The following ZNF354C variants were observed in gnomAD, a reference collection of about 807,000 sequenced individuals.
ZNF354C encodes the protein zinc finger protein 354C, also known as KRAB-zinc finger protein synten.
ZNF354C carries 7 observed loss-of-function variants against 12.4 expected under a neutral mutation model. The ratio of observed to expected loss-of-function variants is 0.56; its 90% CI spans 0.32 to 1.06. ZNF354C has a LOEUF of 1.06. ZNF354C is among the 50% of genes least tolerant of loss of function. ZNF354C has a pLI of 0.04. For missense variants in ZNF354C, 609 were observed against 658.0 expected (o/e 0.93, Z 0.81); for synonymous variants, 202 against 224.5 (o/e 0.90, Z 0.90).
intron 2 of ZNF354C, among the ~76,000 whole-genome samples, chr5:179,064,456 G>T (rs1048684689): frequency 1.1e-4 from 16 of 151,180 alleles, no homozygotes; most frequent in African/African-American, 3.6e-4. Context: ...TTGCTCAGTC[G>T]CCCAGGCTGG....
chr5:179,080,064 AT>A lies in ZNF354C; in HGVS notation c.1638del (p.Phe546LeufsTer15), dbSNP rs756751629. The A allele has an allele frequency of 3.6e-5, 57 of 1,597,090 alleles. 1 individual carries two copies. In the Middle Eastern group the frequency reaches 6.9e-3, roughly 193 times the overall value. On this transcript the variant is annotated frameshift_variant, in exon 5 of 5. Transcript: ENST00000315475. LOFTEE classifies it high-confidence loss of function. ...CSSSLTQYQR[F>X]FKGDKAYEV is the part of the protein sequence containing the mutation. The stretch of plus-strand genomic sequence containing the variant: ...GCTCCTCACTTACCCAGTATCAGAG[AT>A]TTTTTAAAGGAGATAAAGCCTATGA...
rs147111408 is a variant in ZNF354C at position 179,079,748 on chromosome 5, T to G, written c.1316T>G (p.Leu439Arg). ...CGGAAAATTCATACTGGGGAAAAAC[T>G]TTATACATGTGAGGAATGTGGGAAA... ...EHRKIHTGEKLYTCEECGKAF... is the reference protein window; with the variant it reads ...EHRKIHTGEKRYTCEECGKAF... The change falls in exon 5 of 5, where the codon CTT becomes CGT. Residue 439 changes from leucine to arginine, a missense_variant. Coordinates refer to ENST00000315475, the MANE Select transcript of ZNF354C (RefSeq NM_014594.3). The surrounding 1 kb of genome is among the most constrained non-coding windows in gnomAD (Gnocchi z 4.2). The G allele has an allele frequency of 1.9e-6, 3 of 1,613,830 alleles. No homozygotes were observed. The African/African-American group carries it at 4.0e-5, about 22-fold the overall frequency.
At chr5:179,065,285 A>G (rs2113107999) in intron 2 of ZNF354C, among the ~76,000 whole-genome samples, 1 of 152,310 alleles carries the variant, frequency 6.6e-6, no homozygotes, top group South Asian at 2.1e-4. Flanking sequence ...GCCCCCCAGG[A>G]TTCCACATGA....
intron 2 of ZNF354C, among the ~76,000 whole-genome samples, chr5:179,063,446 A>C (rs1244190018): frequency 6.6e-6 from 1 of 152,146 alleles, no homozygotes; most frequent in East Asian, 1.9e-4. Context: ...ATAGTCCCAG[A>C]TACTAAGAAG....
At chr5:179,077,280 C>T in intron 4 of ZNF354C, 114 bp downstream of exon 4, 1 of 781,234 alleles carries the variant, frequency 1.3e-6, no homozygotes, top group Non-Finnish European at 2.2e-6. Flanking sequence ...GATGCTCAGG[C>T]CAGTTGTATT....
rs57349248 is a variant in ZNF354C at position 179,083,949 on chromosome 5, T to C, written c.*3852T>C. On this transcript the variant is annotated 3_prime_UTR_variant, in exon 5 of 5. Transcript: ENST00000315475. ...GACTCCCCATTGCTTTTCTTCCCTA[T>C]CTATCTTCCTGCTACTTGGACCTGG... 1.6e-5 allele frequency among the ~76,000 whole-genome samples: 2 copies of C among 121,546 alleles called. No individual in the cohort carries two copies. Among genetic ancestry groups the C allele is most frequent in the African/African-American group, 6.2e-5 (2 of 32,210 alleles). The allele number at this position is 121,546 out of a possible 152,430, so 79.7% of individuals were successfully genotyped here.
intron 2 of ZNF354C, among the ~76,000 whole-genome samples, chr5:179,071,218 A>G (rs1258448172): frequency 4.6e-5 from 7 of 151,772 alleles, no homozygotes; most frequent in Non-Finnish European, 1.0e-4. Flanking sequence ...ACCCTCACAC[A>G]TTGCTACTCA....
In ZNF354C at chr5:179,080,252, G is replaced by A; in HGVS notation, c.*155G>A. 1 of 513,514 alleles carries A rather than the reference G, an allele frequency of 1.9e-6. No individual in the cohort carries two copies. The highest frequency in any genetic ancestry group is 3.4e-6 in the Non-Finnish European group (1 of 298,282). 31.8% of individuals were successfully genotyped at this position (513,514 alleles called of 1,614,324 possible). On this transcript the variant is annotated 3_prime_UTR_variant, in exon 5 of 5. Transcript: ENST00000315475. ...TAAAATTGATCAGTGAGACTATGAA[G>A]AGCACTGACTTGTTAAATTTTAAAA...
rs1762245979 is a variant in ZNF354C, at chr5:179,082,736, TCCC to T, written c.*2641_*2643del. ...CACCAAACCCCATTGAGTTATCTGG[TCCC>T]CTTGGCTGACGAAGAGCCATTAGGC... On this transcript the variant is annotated 3_prime_UTR_variant, in exon 5 of 5. Coordinates refer to ENST00000315475, the MANE Select transcript of ZNF354C (RefSeq NM_014594.3). 2 of 1,510,846 alleles carry T rather than the reference TCCC, an allele frequency of 1.3e-6. No homozygotes were observed. Among genetic ancestry groups the T allele is most frequent in the African/African-American group, 2.8e-5 (2 of 72,116 alleles). The allele number at this position is 1,510,846 out of a possible 1,614,324, so 93.6% of individuals were successfully genotyped here. A position where few individuals can be genotyped will look rare whatever the true frequency, so the allele number is the denominator to read the frequency against.
Position 179,082,337 on chromosome 5 carries a change from C to T in ZNF354C, c.*2240C>T, listed in dbSNP as rs1262562130. The T allele has an allele frequency of 4.8e-6, 1 of 208,768 alleles. No homozygotes were observed. The highest frequency in any genetic ancestry group is 9.4e-6 in the Non-Finnish European group (1 of 106,470). The allele number at this position is 208,768 out of a possible 1,614,324, so 12.9% of individuals were successfully genotyped here. The stretch of plus-strand genomic sequence containing the variant: ...GATGTACTGCCGAAAATGTTTACCT[C>T]AAATTTAATTAAATCTTTTGTCTAG... On this transcript the variant is annotated 3_prime_UTR_variant, in exon 5 of 5. Coordinates refer to ENST00000315475, the MANE Select transcript of ZNF354C (RefSeq NM_014594.3).
Position 179,062,059 on chromosome 5 carries a change from G to A in ZNF354C, c.-10G>A, listed in dbSNP as rs772779840. The A allele has an allele frequency of 1.9e-6, 3 of 1,614,196 alleles. No homozygotes were observed. Among genetic ancestry groups the A allele is most frequent in the East Asian group, 2.2e-5 (1 of 44,878 alleles). On this transcript the variant is annotated 5_prime_UTR_variant, in exon 2 of 5. Coordinates refer to ENST00000315475, the MANE Select transcript of ZNF354C (RefSeq NM_014594.3). ...TGCTCTCCCTGGGCAGGAAGACTGA[G>A]GAGGAAGGGATGGCTGTGGATCTGC...
intron 4 of ZNF354C, among the ~76,000 whole-genome samples, chr5:179,078,147 A>G (rs574498789): frequency 6.6e-6 from 1 of 152,270 alleles, no homozygotes; most frequent in African/African-American, 2.4e-5. Flanking sequence ...ACTACAATAT[A>G]AAATCACAGT....
At position 179,079,730 on chromosome 5, in the gene ZNF354C, T is replaced by G; in HGVS notation, c.1298T>G (p.Ile433Ser). The G allele has an allele frequency of 6.2e-7, 1 of 1,614,058 alleles. No homozygotes were observed. Among genetic ancestry groups the G allele is most frequent in the Non-Finnish European group, 8.5e-7 (1 of 1,180,022 alleles). Residue 433 changes from isoleucine (I) to serine (S), a missense_variant, in exon 5 of 5, where the codon ATT (isoleucine) becomes AGT (serine). Physicochemically the swap from Ile to Ser is moderately radical, Grantham distance 142. Transcript: ENST00000315475. The surrounding 1 kb of genome is among the most constrained non-coding windows in gnomAD (Gnocchi z 4.2). The part of the protein sequence containing the change: ...QYSSFNEHRK[I>S]HTGEKLYTCE... Reference sequence around the variant, plus strand: ...TCATCCTTTAATGAACATCGGAAAATTCATACTGGGGAAAAACTTTATACA... The same window carrying G: ...TCATCCTTTAATGAACATCGGAAAAGTCATACTGGGGAAAAACTTTATACA...
Position 179,077,895 on chromosome 5 carries a change from T to A in ZNF354C, c.250+729T>A, listed in dbSNP as rs111388168. 1.3e-3 allele frequency among the ~76,000 whole-genome samples: 182 copies of A among 141,592 alleles called. 2 individuals are homozygous for A. Among genetic ancestry groups the A allele is most frequent in the African/African-American group, 4.4e-3 (171 of 38,674 alleles). 92.9% of individuals were successfully genotyped at this position (141,592 alleles called of 152,430 possible). A position where few individuals can be genotyped will look rare whatever the true frequency, so the allele number is the denominator to read the frequency against. On this transcript the variant is annotated intron_variant, in intron 4 of 4. Coordinates refer to ENST00000315475, the MANE Select transcript of ZNF354C (RefSeq NM_014594.3). ...ATCACAGCTCACTGCACTCTCCACC[T>A]CCCAGGCTCAAGCGATCCTTTCACC...
Position 179,079,719 on chromosome 5 carries a change from A to T in ZNF354C, c.1287A>T (p.Glu429Asp), listed in dbSNP as rs1343051670. 6.2e-7 allele frequency: 1 copy of T among 1,614,078 alleles called. No homozygotes were observed. The highest frequency in any genetic ancestry group is 8.5e-7 in the Non-Finnish European group (1 of 1,180,048). Reference sequence around the variant, plus strand: ...TCAACCAGTATTCATCCTTTAATGAACATCGGAAAATTCATACTGGGGAAA... The same window carrying T: ...TCAACCAGTATTCATCCTTTAATGATCATCGGAAAATTCATACTGGGGAAA... The part of the protein sequence containing the change: ...KAFNQYSSFN[E>D]HRKIHTGEKL... Residue 429 changes from glutamate (E) to aspartate (D), a missense_variant, in exon 5 of 5, where the codon GAA (glutamate) becomes GAT (aspartate). Transcript: ENST00000315475. The surrounding 1 kb of genome is among the most constrained non-coding windows in gnomAD (Gnocchi z 4.2).
At chr5:179,061,443 T>A (rs1761890558) in intron 1 of ZNF354C, among the ~76,000 whole-genome samples, 1 of 152,146 alleles carries the variant, frequency 6.6e-6, no homozygotes, top group Admixed American at 6.5e-5. Flanking sequence ...TTAATCCTGT[T>A]ACCTTGGGTA....
At chr5:179,073,498 A>C (rs568555968) in intron 2 of ZNF354C, among the ~76,000 whole-genome samples, 1 of 152,322 alleles carries the variant, frequency 6.6e-6, no homozygotes, top group South Asian at 2.1e-4. Context: ...TATAATACAA[A>C]TAACCACCAT....
At chr5:179,070,354 G>A (rs1450882993) in intron 2 of ZNF354C, among the ~76,000 whole-genome samples, 2 of 152,174 alleles carry the variant, frequency 1.3e-5, no homozygotes, top group East Asian at 3.9e-4. Flanking sequence ...ATCGAGTACA[G>A]TCTGGTAATT....
At chr5:179,074,223 C>T (rs769294954) in intron 2 of ZNF354C, among the ~76,000 whole-genome samples, 3 of 151,958 alleles carry the variant, frequency 2.0e-5, no homozygotes, top group South Asian at 2.1e-4. Flanking sequence ...CCTCGTGATC[C>T]GCCCGCGTCA....
Sources: gnomAD v4.1 joint callset for allele counts (sites outside exome capture counted in the v4.1 genomes callset) on GRCh38, gnomAD v4.1.1 for gene constraint, Gnocchi (gnomAD v3.1) non-coding constraint, MANE v1.5 for transcripts, NCBI Gene and HGNC (gene_info 2026-07-23, HGNC 2026-07-21) for gene names.